NPNT: variants seen among roughly 807,000 people sequenced by gnomAD.
NPNT encodes the protein preosteoblast EGF-like repeat protein with MAM domain.
In NPNT, 45 loss-of-function variants were observed where a neutral mutation model predicts 68.6. The ratio of observed to expected loss-of-function variants is 0.66; its 90% CI spans 0.52 to 0.84. The LOEUF (loss-of-function observed/expected upper bound fraction) is 0.84. Ranked by LOEUF, NPNT falls within the 40% of genes least tolerant of loss-of-function variation. The pLI is 0.00. For missense variants in NPNT, 672 were observed against 714.8 expected (o/e 0.94, Z 0.68); for synonymous variants, 233 against 253.3 (o/e 0.92, Z 0.76).
chr4:105,942,520 C>G lies in NPNT; in HGVS notation c.977C>G (p.Pro326Arg). The G allele has an allele frequency of 1.2e-6, 2 of 1,613,850 alleles. No homozygotes were observed. Among genetic ancestry groups the G allele is most frequent in the Non-Finnish European group, 1.7e-6 (2 of 1,179,968 alleles). ...TRPTPKPTPI[P>R]TPPPPPPLPT... ...CCTACACCAAAGCCAACACCAATTC[C>G]TACTCCACCACCACCACCACCCCTG... is the stretch of plus-strand genomic sequence containing the variant. Residue 326 changes from proline (P) to arginine (R), a missense_variant, in exon 8 of 12, where the codon CCT (proline) becomes CGT (arginine). Coordinates refer to ENST00000379987, the MANE Select transcript of NPNT (RefSeq NM_001033047.3).
chr4:105,911,382 C>G lies in NPNT; in HGVS notation c.172+13381C>G, dbSNP rs1727351418. Among the ~76,000 whole-genome samples the G allele has an allele frequency of 1.3e-5, 2 of 151,990 alleles. 1 individual carries two copies. The highest frequency in any genetic ancestry group is 4.1e-4 in the South Asian group (2 of 4,836). ...CCCATTCACCTAATTTTAAATTATACAAATTATACAAATAAATATACAATT... is the reference window on the plus strand; with the variant it reads ...CCCATTCACCTAATTTTAAATTATAGAAATTATACAAATAAATATACAATT... On this transcript the variant is annotated intron_variant, in intron 2 of 11. Transcript: ENST00000379987.
At position 105,930,884 on chromosome 4, in the gene NPNT, C is replaced by T. The variant is rs1024638884; in HGVS notation, c.265+3456C>T. ...CTGGTTTAATTTAGTAGCCTTGCCA[C>T]AGGCTTAGTGTGATCTGCTTTTGGT... is the stretch of plus-strand genomic sequence containing the variant. On this transcript the variant is annotated intron_variant, in intron 3 of 11. Transcript: ENST00000379987. 3.9e-5 allele frequency among the ~76,000 whole-genome samples: 6 copies of T among 152,196 alleles called. No individual in the cohort carries two copies. In the East Asian group the frequency reaches 1.2e-3, roughly 29 times the overall value.
At chr4:105,903,898 C>G (rs1726647504) in intron 2 of NPNT, among the ~76,000 whole-genome samples, 1 of 151,714 alleles carries the variant, frequency 6.6e-6, no homozygotes, top group Non-Finnish European at 1.5e-5. Flanking sequence ...CATCCTCCCA[C>G]CTCAGCCTCC....
At chr4:105,955,599 C>T (rs1028509886) in intron 8 of NPNT, among the ~76,000 whole-genome samples, 1 of 150,254 alleles carries the variant, frequency 6.7e-6, no homozygotes, top group African/African-American at 2.4e-5. Context: ...AAAAGTGAAC[C>T]AATACAAATG....
chr4:105,962,040 A>G (rs753507204), intron 10 of NPNT, among the ~76,000 whole-genome samples: 1 of 152,252 alleles, frequency 6.6e-6, no homozygotes, highest in Non-Finnish European at 1.5e-5. Context: ...GAGGGGGAAG[A>G]CCTGACATAT....
intron 1 of NPNT, among the ~76,000 whole-genome samples, chr4:105,897,476 G>A (rs546222048): frequency 1.3e-5 from 2 of 152,224 alleles, no homozygotes; most frequent in Admixed American, 6.5e-5. Context: ...GCTTTGACAT[G>A]TCTTACTTAA....
In NPNT at chr4:105,942,949, G is replaced by A. The variant is rs79641199; in HGVS notation, c.1159+247G>A. Reference sequence around the variant, plus strand: ...TATGGTAGATGACAGCTCTTAGCCAGTATGGGAATTCTGACATAGTTGGAT... The same window carrying A: ...TATGGTAGATGACAGCTCTTAGCCAATATGGGAATTCTGACATAGTTGGAT... On this transcript the variant is annotated intron_variant, in intron 8 of 11. Coordinates refer to ENST00000379987, the MANE Select transcript of NPNT (RefSeq NM_001033047.3). Among the ~76,000 whole-genome samples the A allele has an allele frequency of 3.8e-3, 583 of 152,348 alleles. 4 individuals are homozygous for A. The highest frequency in any genetic ancestry group is 0.013 in the African/African-American group (549 of 41,592).
At chr4:105,932,397 C>G (rs1729186974) in intron 3 of NPNT, among the ~76,000 whole-genome samples, 1 of 151,858 alleles carries the variant, frequency 6.6e-6, no homozygotes, top group Non-Finnish European at 1.5e-5. Context: ...TGTGTGTTGT[C>G]CTTGGGAAAC....
intron 2 of NPNT, among the ~76,000 whole-genome samples, chr4:105,920,466 C>T (rs1279142717): frequency 3.5e-5 from 5 of 143,598 alleles, no homozygotes; most frequent in African/African-American, 7.9e-5. Flanking sequence ...GTGTTCTTAA[C>T]GTTTTATTTG....
intron 2 of NPNT, among the ~76,000 whole-genome samples, chr4:105,907,679 A>G (rs1727023654): frequency 1.3e-5 from 2 of 152,210 alleles, no homozygotes; most frequent in Admixed American, 1.3e-4. Context: ...ATCCCTGGGA[A>G]CATGCCAGGG....
chr4:105,904,386 A>G (rs1726699308), intron 2 of NPNT, among the ~76,000 whole-genome samples: 1 of 152,172 alleles, frequency 6.6e-6, no homozygotes, highest in Admixed American at 6.5e-5. Context: ...TGCTGACCCA[A>G]AGGCTCCAAC....
intron 6 of NPNT, 77 bp downstream of exon 6, chr4:105,940,286 G>C (rs112830021): frequency 0.012 from 17,148 of 1,433,118 alleles, 138 homozygotes; most frequent in Non-Finnish European, 0.015. Flanking sequence ...GTGATGGCTG[G>C]AATGTCAGGG....
rs1242247408 is a variant in NPNT, at chr4:105,942,607, C to A, written c.1064C>A (p.Thr355Lys). The A allele has an allele frequency of 6.2e-7, 1 of 1,614,092 alleles. No individual in the cohort carries two copies. Among genetic ancestry groups the A allele is most frequent in the East Asian group, 2.2e-5 (1 of 44,870 alleles). Reference protein sequence around the residue: ...TTPERPTTGLTTIAPAASTPP... With the variant: ...TTPERPTTGLKTIAPAASTPP... ...CCAGAAAGGCCAACCACCGGACTGACAACTATAGCACCAGCTGCCAGTACA... is the reference window on the plus strand; with the variant it reads ...CCAGAAAGGCCAACCACCGGACTGAAAACTATAGCACCAGCTGCCAGTACA... The change falls in exon 8 of 12, where the codon ACA (threonine) becomes AAA (lysine). Residue 355 changes from threonine to lysine, a missense_variant. Physicochemically the swap from Thr to Lys is moderately conservative, Grantham distance 78. Coordinates refer to ENST00000379987, the MANE Select transcript of NPNT (RefSeq NM_001033047.3).
rs1560897092 is a variant in NPNT at position 105,914,480 on chromosome 4, TAGAGAGAGAG to T, written c.173-12854_173-12845del. Among the ~76,000 whole-genome samples the T allele has an allele frequency of 2.2e-3, 297 of 137,300 alleles. 1 individual carries two copies. The highest frequency in any genetic ancestry group is 7.8e-3 in the African/African-American group (284 of 36,456). The allele number at this position is 137,300 out of a possible 152,430, so 90.1% of individuals were successfully genotyped here. On this transcript the variant is annotated intron_variant, in intron 2 of 11. Coordinates refer to ENST00000379987, the MANE Select transcript of NPNT (RefSeq NM_001033047.3). ...TATAATATATAATATATTATATATA[TAGAGAGAGAG>T]ATAATGGAGAGAGAGAGCCAGCTAT...
rs554963590 is a variant in NPNT, at chr4:105,950,861, G to A, written c.1160-7610G>A. Among the ~76,000 whole-genome samples, 12 of 152,192 alleles carry A rather than the reference G, an allele frequency of 7.9e-5. No individual in the cohort carries two copies. In the East Asian group the frequency reaches 2.1e-3, roughly 27 times the overall value. On this transcript the variant is annotated intron_variant, in intron 8 of 11. Coordinates refer to ENST00000379987, the MANE Select transcript of NPNT (RefSeq NM_001033047.3). ...TGGTCTTGAATTTCTGGCCTCAAGC[G>A]ATCTGCCTGCCTCAGCCACCGAAAG... is the stretch of plus-strand genomic sequence containing the variant.
chr4:105,936,287 T>C (rs1729487311), intron 3 of NPNT, among the ~76,000 whole-genome samples: 1 of 152,208 alleles, frequency 6.6e-6, no homozygotes, highest in Non-Finnish European at 1.5e-5. Context: ...TTAAAGTTCA[T>C]TTTGTGACTT....
intron 2 of NPNT, among the ~76,000 whole-genome samples, chr4:105,918,674 A>G (rs1728006314): frequency 1.3e-5 from 2 of 152,182 alleles, no homozygotes; most frequent in Non-Finnish European, 2.9e-5. Flanking sequence ...GTTTCTCCTT[A>G]CTAGACTTAC....
intron 1 of NPNT, 23 bp downstream of exon 1, chr4:105,895,746 C>G (rs773412547): frequency 1.3e-6 from 2 of 1,545,006 alleles, no homozygotes; most frequent in South Asian, 1.2e-5. Context: ...CCGGGGCGCC[C>G]TCTCCTCCTT....
At chr4:105,958,780 T>A in intron 9 of NPNT, 1 of 532,648 alleles carries the variant, frequency 1.9e-6, no homozygotes, top group African/African-American at 1.9e-5. Flanking sequence ...AAAAAGGAAA[T>A]CATATTTTAT....
Sources: gnomAD v4.1 joint callset for allele counts (sites outside exome capture counted in the v4.1 genomes callset) on GRCh38, gnomAD v4.1.1 for gene constraint, MANE v1.5 for transcripts, NCBI Gene and HGNC (gene_info 2026-07-23, HGNC 2026-07-21) for gene names.